The following PCDHA11 variants were observed in gnomAD, a reference collection of about 807,000 sequenced individuals.
PCDHA11 encodes protocadherin alpha-11.
In PCDHA11, 61 loss-of-function variants were observed where a neutral mutation model predicts 70.3. That is an observed-to-expected ratio of 0.87 (90% CI 0.71 to 1.07). The LOEUF is 1.07. Ranked by LOEUF, PCDHA11 falls within the 50% of genes least tolerant of loss-of-function variation. PCDHA11 has a pLI of 0.00. For synonymous variants in PCDHA11, 633 were observed against 555.1 expected (o/e 1.14, Z -1.97); for missense variants, 1,324 against 1,237.5 (o/e 1.07, Z -1.05).
At chr5:140,963,530 A>T (rs1031416091) in intron 1 of PCDHA11, among the ~76,000 whole-genome samples, 29 of 152,216 alleles carry the variant, frequency 1.9e-4, no homozygotes, top group African/African-American at 6.8e-4. Context: ...CAGAAGTCCC[A>T]TTTACTTCAT....
At chr5:141,000,743 T>TA (rs527867626) in intron 3 of PCDHA11, among the ~76,000 whole-genome samples, 4,963 of 145,376 alleles carry the variant, frequency 0.034, 280 homozygotes, top group African/African-American at 0.12. Flanking sequence ...CTCTGTATAT[T>TA]AAAAAAAAAA....
intron 2 of PCDHA11, among the ~76,000 whole-genome samples, chr5:140,979,231 C>T (rs1203154373): frequency 6.6e-6 from 1 of 152,186 alleles, no homozygotes; most frequent in Non-Finnish European, 1.5e-5. Context: ...TCTGTAAAAT[C>T]ACAGAAACAG....
chr5:141,003,273 G>A (rs782391603), intron 3 of PCDHA11, among the ~76,000 whole-genome samples: 5 of 152,214 alleles, frequency 3.3e-5, no homozygotes, highest in Admixed American at 6.5e-5. Context: ...TAAGGGAAGT[G>A]CCCAAATTGG....
At chr5:140,914,542 T>C (rs1323797101) in intron 1 of PCDHA11, among the ~76,000 whole-genome samples, 2 of 152,202 alleles carry the variant, frequency 1.3e-5, no homozygotes, top group Non-Finnish European at 2.9e-5. Context: ...ACTTTATTTC[T>C]TTTTATTGGA....
At chr5:140,872,083 C>G (rs377675529) in intron 1 of PCDHA11, among the ~76,000 whole-genome samples, 1 of 152,284 alleles carries the variant, frequency 6.6e-6, no homozygotes, top group East Asian at 1.9e-4. Context: ...TGCAGTGCCA[C>G]TGCACTTAGT....
At chr5:140,916,832 G>A (rs1286597127) in intron 1 of PCDHA11, among the ~76,000 whole-genome samples, 3 of 152,104 alleles carry the variant, frequency 2.0e-5, no homozygotes, top group East Asian at 1.9e-4. Context: ...TATCCCTCTG[G>A]TTCTGAGCCC....
chr5:140,967,841 A>G, intron 1 of PCDHA11: 1 of 1,614,114 alleles, frequency 6.2e-7, no homozygotes, highest in Non-Finnish European at 8.5e-7. Flanking sequence ...CGTGGACGTG[A>G]ATGACAATGC....
At chr5:140,953,554 A>C (rs1554220985) in intron 1 of PCDHA11, among the ~76,000 whole-genome samples, 2 of 152,044 alleles carry the variant, frequency 1.3e-5, no homozygotes, top group Non-Finnish European at 2.9e-5. Flanking sequence ...TCTTTTCTCC[A>C]AGTTTTAGTG....
chr5:140,951,493 A>C (rs1554219918), intron 1 of PCDHA11, among the ~76,000 whole-genome samples: 1 of 152,022 alleles, frequency 6.6e-6, no homozygotes, highest in Non-Finnish European at 1.5e-5. Context: ...TCATGGTGGA[A>C]GGCAAAAGGA....
At chr5:140,955,669 G>C (rs1031483633) in intron 1 of PCDHA11, among the ~76,000 whole-genome samples, 2 of 152,094 alleles carry the variant, frequency 1.3e-5, no homozygotes, top group African/African-American at 4.8e-5. Flanking sequence ...TTTTAACATA[G>C]TTTTTTCGAA....
At chr5:140,917,245 G>A (rs2077971406) in intron 1 of PCDHA11, among the ~76,000 whole-genome samples, 1 of 149,588 alleles carries the variant, frequency 6.7e-6, no homozygotes, top group Non-Finnish European at 1.5e-5. Context: ...TAGGTACTAC[G>A]ATTGCTCACC....
At chr5:140,992,019 G>C (rs1326705755) in intron 3 of PCDHA11, among the ~76,000 whole-genome samples, 2 of 50,642 alleles carry the variant, frequency 3.9e-5, no homozygotes, top group African/African-American at 6.0e-5. Context: ...AGGTGGCTCT[G>C]TGTGTGTGTG....
intron 1 of PCDHA11, among the ~76,000 whole-genome samples, chr5:140,943,705 C>T (rs528361276): frequency 1.6e-4 from 25 of 152,150 alleles, no homozygotes; most frequent in Middle Eastern, 3.4e-3. Context: ...TATTGTGGAA[C>T]ACATTTAAAG....
chr5:140,928,555 A>G, intron 1 of PCDHA11: 1 of 1,614,240 alleles, frequency 6.2e-7, no homozygotes, highest in Non-Finnish European at 8.5e-7. Flanking sequence ...TTATCCGGTT[A>G]TCTTGTTTCC....
intron 1 of PCDHA11, chr5:140,967,928 A>T (rs1438894870): frequency 3.1e-6 from 5 of 1,614,082 alleles, no homozygotes; most frequent in Non-Finnish European, 3.4e-6. Flanking sequence ...GGCCGTTCTC[A>T]GTGTCAATGA....
At chr5:140,965,853 A>G (rs1554227879) in intron 1 of PCDHA11, among the ~76,000 whole-genome samples, 2 of 152,220 alleles carry the variant, frequency 1.3e-5, no homozygotes, top group Non-Finnish European at 2.9e-5. Flanking sequence ...CAAGGCACAC[A>G]CTGAAAATAA....
chr5:140,874,192 T>C (rs1263028873), intron 1 of PCDHA11, among the ~76,000 whole-genome samples: 4 of 152,224 alleles, frequency 2.6e-5, no homozygotes, highest in African/African-American at 9.6e-5. Flanking sequence ...GGTGTCATAT[T>C]TCAGTTGCCT....
intron 1 of PCDHA11, among the ~76,000 whole-genome samples, chr5:140,948,620 T>TTAA (rs1422284059): frequency 6.6e-6 from 1 of 151,716 alleles, no homozygotes; most frequent in African/African-American, 2.4e-5. Context: ...CACAAAGTTG[T>TTAA]TAATAATATT....
At chr5:140,994,214 G>A (rs2153923643) in intron 3 of PCDHA11, among the ~76,000 whole-genome samples, 1 of 152,296 alleles carries the variant, frequency 6.6e-6, no homozygotes, top group South Asian at 2.1e-4. Flanking sequence ...ATGGGACCCA[G>A]GGTCTGTCTA....
Sources: allele counts gnomAD v4.1 joint callset (sites outside exome capture counted in the v4.1 genomes callset), GRCh38; gene constraint gnomAD v4.1.1; transcripts MANE v1.5; gene names NCBI Gene and HGNC (gene_info 2026-07-23, HGNC 2026-07-21).